Variants in RFPL2 observed in about 807,000 individuals in gnomAD.
RFPL2 encodes ret finger protein like 2.
Under a neutral mutation model 17.8 loss-of-function variants are expected in RFPL2, and 13 were observed. The ratio of observed to expected loss-of-function variants is 0.73; its 90% CI spans 0.47 to 1.16. The LOEUF is 1.16. Ranked by LOEUF, RFPL2 falls within the 50% of genes most tolerant of loss-of-function variation. The pLI, the probability that RFPL2 is intolerant of heterozygous loss-of-function variation, is 0.00. For missense variants in RFPL2, 431 were observed against 479.3 expected (o/e 0.90, Z 0.94); for synonymous variants, 189 against 180.9 (o/e 1.04, Z -0.36).
In RFPL2 at chr22:32,194,640, G is replaced by A. The variant is rs2123772155; in HGVS notation, c.120-150C>T. On this transcript the variant is annotated intron_variant, in intron 2 of 4. Transcript: ENST00000652607. The stretch of plus-strand genomic sequence containing the variant: ...GCCTTTATATTAAATTAGGCTTAAT[G>A]TACTAACTTCAAAAGCTTATTTTAG... The A allele has an allele frequency of 5.3e-6, 4 of 750,778 alleles. No homozygotes were observed. The South Asian group carries it at 5.5e-5, about 10-fold the overall frequency. The allele number at this position is 750,778 out of a possible 1,614,324, so 46.5% of individuals were successfully genotyped here. A position where few individuals can be genotyped will look rare whatever the true frequency, so the allele number is the denominator to read the frequency against.
chr22:32,197,498 G>C (rs967250402), intron 2 of RFPL2, among the ~76,000 whole-genome samples: 4 of 151,716 alleles, frequency 2.6e-5, no homozygotes, highest in African/African-American at 9.7e-5. Context: ...TGTGCCATAT[G>C]CTGCGCCCGT....
intron 2 of RFPL2, among the ~76,000 whole-genome samples, chr22:32,201,826 G>C (rs972944452): frequency 3.3e-5 from 5 of 152,182 alleles, no homozygotes; most frequent in Admixed American, 6.5e-5. Flanking sequence ...CAGCAGGCCT[G>C]TGTCACTGTG....
intron 3 of RFPL2, chr22:32,193,434 C>T (rs1922939787): frequency 2.0e-6 from 3 of 1,474,944 alleles, no homozygotes; most frequent in Admixed American, 2.6e-5. Context: ...AGGAAGCGTC[C>T]ATTCTCCTGG....
At position 32,191,296 on chromosome 22, in the gene RFPL2, G is replaced by A; in HGVS notation, c.613C>T (p.Leu205Phe). ...ATGCGCCCACTTCGGACGCTCCTGA[G>A]GTCGTCAGAAATGAGGAGGAAGTTG... ...ANNFLLISDD[L>F]RSVRSGRIRQ... is the part of the protein sequence containing the mutation. Residue 205 changes from leucine (L) to phenylalanine (F), a missense_variant, in exon 5 of 5, where the codon CTC becomes TTC. Transcript: ENST00000652607. The A allele has an allele frequency of 6.2e-7, 1 of 1,613,922 alleles. No individual in the cohort carries two copies. The highest frequency in any genetic ancestry group is 1.1e-5 in the South Asian group (1 of 91,068).
intron 2 of RFPL2, among the ~76,000 whole-genome samples, chr22:32,201,906 A>G (rs906502878): frequency 4.9e-4 from 74 of 152,168 alleles, no homozygotes; most frequent in African/African-American, 1.8e-3. Context: ...TGACTTGCCC[A>G]TGGCCACTGT....
intron 2 of RFPL2, among the ~76,000 whole-genome samples, chr22:32,201,066 C>CT (rs1229245405): frequency 7.5e-6 from 1 of 132,520 alleles, no homozygotes; most frequent in African/African-American, 3.0e-5. Flanking sequence ...TTGAGACAGT[C>CT]TCACACTGTC....
chr22:32,202,884 C>A, intron 1 of RFPL2: 1 of 1,017,434 alleles, frequency 9.8e-7, no homozygotes, highest in Non-Finnish European at 1.2e-6. Flanking sequence ...GTAGCCTCCT[C>A]GTGTCCACTA....
At chr22:32,198,537 A>G (rs762219984) in intron 2 of RFPL2, among the ~76,000 whole-genome samples, 1 of 152,006 alleles carries the variant, frequency 6.6e-6, no homozygotes, top group Non-Finnish European at 1.5e-5. Flanking sequence ...AGCCTGTGTC[A>G]CAGTGTGGGG....
At chr22:32,191,611 C>T (rs1261409927) in intron 4 of RFPL2, among the ~76,000 whole-genome samples, 1 of 152,156 alleles carries the variant, frequency 6.6e-6, no homozygotes, top group Non-Finnish European at 1.5e-5. Flanking sequence ...GCCTTTTCTT[C>T]GTTTAGAGTG....
At position 32,190,960 on chromosome 22, in the gene RFPL2, C is replaced by T. The variant is rs543855978; in HGVS notation, c.949G>A (p.Val317Ile). Residue 317 changes from valine (V) to isoleucine (I), a missense_variant, in exon 5 of 5, where the codon GTT becomes ATT. By Grantham distance (29) the Val-to-Ile change is conservative. Coordinates refer to ENST00000652607, the MANE Select transcript of RFPL2 (RefSeq NM_001394555.1). ...GIFLDMGMQN[V>I]SFFDAESGSH... ...CCACTTTCAGCATCAAAAAAGGAAA[C>T]GTTCTGCATGCCCATATCCAGAAAA... The T allele has an allele frequency of 4.4e-6, 7 of 1,605,354 alleles. No homozygotes were observed. Among genetic ancestry groups the T allele is most frequent in the Admixed American group, 1.7e-5 (1 of 59,282 alleles).
At position 32,190,734 on chromosome 22, in the gene RFPL2, T is replaced by C. The variant is rs757203641; in HGVS notation, c.*38A>G. ...TTCCTAAGTCTACCCACCCAAGTAA[T>C]TTTCTTACCCTGTTTTTTGTTTTTT... On this transcript the variant is annotated 3_prime_UTR_variant, in exon 5 of 5. Transcript: ENST00000652607. The C allele has an allele frequency of 6.7e-7, 1 of 1,498,670 alleles. No homozygotes were observed. The highest frequency in any genetic ancestry group is 1.4e-5 in the South Asian group (1 of 70,008). 92.8% of individuals were successfully genotyped at this position (1,498,670 alleles called of 1,614,324 possible). A position where few individuals can be genotyped will look rare whatever the true frequency, so the allele number is the denominator to read the frequency against.
At chr22:32,198,736 C>A (rs1037862442) in intron 2 of RFPL2, among the ~76,000 whole-genome samples, 1 of 152,066 alleles carries the variant, frequency 6.6e-6, no homozygotes, top group Non-Finnish European at 1.5e-5. Flanking sequence ...GACCTCTCCC[C>A]TCCCTGTTCA....
intron 4 of RFPL2, 46 bp downstream of exon 4, chr22:32,192,856 T>C: frequency 6.5e-7 from 1 of 1,550,068 alleles, no homozygotes; most frequent in Non-Finnish European, 8.7e-7. Context: ...AAATGATTTT[T>C]CCTGGTCTGG....
At chr22:32,198,233 C>T (rs7349052) in intron 2 of RFPL2, among the ~76,000 whole-genome samples, 1 of 152,124 alleles carries the variant, frequency 6.6e-6, no homozygotes, top group Non-Finnish European at 1.5e-5. Context: ...CCCTTCCCTC[C>T]TTAGGGAAGC....
intron 2 of RFPL2, chr22:32,200,131 G>A: frequency 2.6e-6 from 1 of 389,368 alleles, no homozygotes; most frequent in Non-Finnish European, 5.1e-6. Flanking sequence ...AGCGACCTGA[G>A]CCTGACACCC....
intron 2 of RFPL2, among the ~76,000 whole-genome samples, chr22:32,194,971 CAGAGTGTTA>C (rs1459112725): frequency 2.6e-5 from 4 of 152,080 alleles, no homozygotes; most frequent in Admixed American, 6.5e-5. Context: ...GAGTACTTCA[CAGAGTGTTA>C]AGATAAAAGT....
Position 32,193,167 on chromosome 22 carries a change from T to C in RFPL2, c.291A>G (p.Glu97=), listed in dbSNP as rs1162618688. ...CTGAGCAGACGGGACAGCTGCTTGC[T>C]TCTTGGAAGAGTGCAGCCATGTCCA... ...RRVDMAALFQ[E]ASSCPVCSDY... Residue 97 remains glutamate, a synonymous_variant, in exon 4 of 5, where the codon GAA becomes GAG. Coordinates refer to ENST00000652607, the MANE Select transcript of RFPL2 (RefSeq NM_001394555.1). The C allele has an allele frequency of 6.2e-7, 1 of 1,613,970 alleles. No individual in the cohort carries two copies. Among genetic ancestry groups the C allele is most frequent in the South Asian group, 1.1e-5 (1 of 91,076 alleles).
At chr22:32,200,656 T>A (rs901374168) in intron 2 of RFPL2, among the ~76,000 whole-genome samples, 2 of 152,102 alleles carry the variant, frequency 1.3e-5, no homozygotes, top group Admixed American at 6.5e-5. Context: ...AACCTTCAGA[T>A]GCACCCTCTG....
At chr22:32,193,273 A>G (rs757597432) in intron 3 of RFPL2, 81 bp from the exon 4 acceptor site, 16 of 1,612,164 alleles carry the variant, frequency 9.9e-6, no homozygotes, top group Non-Finnish European at 1.3e-5. Context: ...CAACCTTTTC[A>G]TGCATAGAGG....
Sources: allele counts gnomAD v4.1 joint callset (sites outside exome capture counted in the v4.1 genomes callset), GRCh38; gene constraint gnomAD v4.1.1; transcripts MANE v1.5; gene names NCBI Gene and HGNC (gene_info 2026-07-23, HGNC 2026-07-21).